Variants in PTGER4 observed in about 807,000 individuals in gnomAD.
The protein encoded by PTGER4 is prostaglandin E receptor 4.
Under a neutral mutation model 33.2 loss-of-function variants are expected in PTGER4, and 11 were observed. That is an observed-to-expected ratio of 0.33 (90% CI 0.21 to 0.55). The LOEUF (loss-of-function observed/expected upper bound fraction) is 0.55, where lower values mean the gene tolerates loss of function less well. Among genes scored for constraint, PTGER4 ranks in the 20% least tolerant of loss-of-function variants. PTGER4 has a pLI of 0.92. For synonymous variants in PTGER4, 275 were observed against 281.5 expected (o/e 0.98, Z 0.23); for missense variants, 481 against 650.2 (o/e 0.74, Z 2.83).
chr5:40,715,894 TTAAAC>T, the PTGER4 span: 5 of 380,288 alleles, frequency 1.3e-5, no homozygotes, highest in Middle Eastern at 7.0e-4. Context: ...CATATTCAGA[TTAAAC>T]TAAGTTTATT....
At chr5:40,729,030 T>C in the PTGER4 span, among the ~76,000 whole-genome samples, 1 of 152,280 alleles carries the variant, frequency 6.6e-6, no homozygotes, top group East Asian at 1.9e-4. Context: ...TACCCTCCAC[T>C]GTGGTCTGTG....
Position 40,681,791 on chromosome 5 carries a change from C to G in PTGER4, c.798C>G (p.Ala266=), listed in dbSNP as rs1164725948. The part of the protein sequence containing the change: ...RRRSFRRIAG[A]EIQMVILLIA... ...GGAGCTTCCGCCGCATCGCGGGCGCCGAGATCCAGATGGTCATCTTACTCA... is the reference window on the plus strand; with the variant it reads ...GGAGCTTCCGCCGCATCGCGGGCGCGGAGATCCAGATGGTCATCTTACTCA... The change falls in exon 2 of 3, where the codon GCC becomes GCG. Residue 266 remains alanine, a synonymous_variant. Transcript: ENST00000302472. This position sits in a 1 kb window ranked among gnomAD's most constrained non-coding sequence, Gnocchi z 9.8. 4 of 1,594,304 alleles carry G rather than the reference C, an allele frequency of 2.5e-6. No individual in the cohort carries two copies. Among genetic ancestry groups the G allele is most frequent in the Non-Finnish European group, 3.4e-6 (4 of 1,173,472 alleles).
Position 40,681,513 on chromosome 5 carries a change from T to G in PTGER4, c.520T>G (p.Trp174Gly). 6.2e-7 allele frequency: 1 copy of G among 1,613,292 alleles called. No individual in the cohort carries two copies. The highest frequency in any genetic ancestry group is 8.5e-7 in the Non-Finnish European group (1 of 1,180,042). ...QYPDTWCFID[W>G]TTNVTAHAAY... ...CCCAGACACCTGGTGCTTCATCGACTGGACCACCAACGTGACGGCGCACGC... is the reference window on the plus strand; with the variant it reads ...CCCAGACACCTGGTGCTTCATCGACGGGACCACCAACGTGACGGCGCACGC... The change falls in exon 2 of 3, where the codon TGG becomes GGG. Residue 174 changes from tryptophan (W) to glycine (G), a missense_variant. Transcript: ENST00000302472. This position sits in a 1 kb window ranked among gnomAD's most constrained non-coding sequence, Gnocchi z 9.8.
rs931578856 is a variant in PTGER4 at position 40,692,673 on chromosome 5, G to A, written c.*295G>A. 2 of 1,108,306 alleles carry A rather than the reference G, an allele frequency of 1.8e-6. No individual in the cohort carries two copies. The highest frequency in any genetic ancestry group is 3.3e-5 in the African/African-American group (2 of 61,392). 68.7% of individuals were successfully genotyped at this position (1,108,306 alleles called of 1,614,324 possible). ...CTAGATAGGAGGATGGTAGAAGTTT[G>A]GCTGCTGTCATAACATCCAGAGCTT... On this transcript the variant is annotated 3_prime_UTR_variant, in exon 3 of 3. Coordinates refer to ENST00000302472, the MANE Select transcript of PTGER4 (RefSeq NM_000958.3).
chr5:40,698,081 C>A (rs1741652426), downstream of PTGER4, among the ~76,000 whole-genome samples: 1 of 105,468 alleles, frequency 9.5e-6, no homozygotes, highest in Non-Finnish European at 1.8e-5. Flanking sequence ...CAGTGAGAGA[C>A]CCTGTCTCTA....
At chr5:40,737,737 G>A in the PTGER4 span, among the ~76,000 whole-genome samples, 2 of 151,918 alleles carry the variant, frequency 1.3e-5, no homozygotes, top group Non-Finnish European at 2.9e-5. Context: ...CCCCTTTCTC[G>A]GGAAATCTAC....
chr5:40,699,662 G>C, the PTGER4 span, among the ~76,000 whole-genome samples: 2 of 152,008 alleles, frequency 1.3e-5, no homozygotes, highest in Non-Finnish European at 2.9e-5. Flanking sequence ...TGAGTAAGTA[G>C]GGTTTATCCC....
At chr5:40,687,495 C>T (rs1741355515) in intron 2 of PTGER4, among the ~76,000 whole-genome samples, 1 of 152,202 alleles carries the variant, frequency 6.6e-6, no homozygotes, top group Admixed American at 6.5e-5. Flanking sequence ...GACATTGAAG[C>T]ACTACTCCGG....
the PTGER4 span, among the ~76,000 whole-genome samples, chr5:40,713,459 A>G: frequency 2.0e-5 from 3 of 152,196 alleles, no homozygotes; most frequent in Non-Finnish European, 2.9e-5. Context: ...AGATTGTCAT[A>G]CTGAAACCAC....
chr5:40,702,886 G>T, the PTGER4 span, among the ~76,000 whole-genome samples: 1 of 152,122 alleles, frequency 6.6e-6, no homozygotes, highest in Non-Finnish European at 1.5e-5. Flanking sequence ...AAATTACATG[G>T]AAATTAAACA....
At chr5:40,698,576 A>G (rs887244235), downstream of PTGER4, among the ~76,000 whole-genome samples, 6 of 152,224 alleles carry the variant, frequency 3.9e-5, no homozygotes, top group Non-Finnish European at 7.3e-5. Context: ...CAAAATTGAT[A>G]CAACCACTTT....
intron 2 of PTGER4, among the ~76,000 whole-genome samples, chr5:40,687,100 C>A (rs1431446305): frequency 6.6e-6 from 1 of 152,078 alleles, no homozygotes; most frequent in Admixed American, 6.5e-5. Context: ...GGCTGGAGTG[C>A]AATGGCGCAA....
Position 40,680,922 on chromosome 5 carries a change from C to T in PTGER4, c.-43-29C>T, listed in dbSNP as rs1052692324. Reference sequence around the variant, plus strand: ...TACAAGTGGTAATTTCCGCTCACGGCAGCTTTGTCTCTCTTCTACCATCCC... The same window carrying T: ...TACAAGTGGTAATTTCCGCTCACGGTAGCTTTGTCTCTCTTCTACCATCCC... On this transcript the variant is annotated intron_variant, in intron 1 of 2. Coordinates refer to ENST00000302472, the MANE Select transcript of PTGER4 (RefSeq NM_000958.3). This position sits in a 1 kb window ranked among gnomAD's most constrained non-coding sequence, Gnocchi z 5.5. 48 of 1,523,288 alleles carry T rather than the reference C, an allele frequency of 3.2e-5. No individual in the cohort carries two copies. The highest frequency in any genetic ancestry group is 4.0e-5 in the Non-Finnish European group (45 of 1,134,040). 94.4% of individuals were successfully genotyped at this position (1,523,288 alleles called of 1,614,324 possible). A position where few individuals can be genotyped will look rare whatever the true frequency, so the allele number is the denominator to read the frequency against.
chr5:40,707,104 C>T, the PTGER4 span, among the ~76,000 whole-genome samples: 1,594 of 152,146 alleles, frequency 0.01, 20 homozygotes, highest in African/African-American at 0.033. Context: ...ATCAAGGCTA[C>T]GAAGAAACAG....
At chr5:40,685,732 T>C (rs1037741358) in intron 2 of PTGER4, among the ~76,000 whole-genome samples, 2 of 152,200 alleles carry the variant, frequency 1.3e-5, no homozygotes, top group Admixed American at 1.3e-4. Flanking sequence ...ACACCTCAGT[T>C]TCCCAAGCTG....
At position 40,681,892 on chromosome 5, in the gene PTGER4, CT is replaced by C; in HGVS notation, c.867+37del. On this transcript the variant is annotated intron_variant, in intron 2 of 2. Coordinates refer to ENST00000302472, the MANE Select transcript of PTGER4 (RefSeq NM_000958.3). This position sits in a 1 kb window ranked among gnomAD's most constrained non-coding sequence, Gnocchi z 9.8. The stretch of plus-strand genomic sequence containing the variant: ...GACCGGGGCTGGGGCCCTACTCGGC[CT>C]TTTTCTCGCATCCACCTCCCGCGTC... 6.8e-7 allele frequency: 1 copy of C among 1,479,100 alleles called. No homozygotes were observed. Among genetic ancestry groups the C allele is most frequent in the Non-Finnish European group, 8.9e-7 (1 of 1,119,218 alleles). The allele number at this position is 1,479,100 out of a possible 1,614,324, so 91.6% of individuals were successfully genotyped here. A position where few individuals can be genotyped will look rare whatever the true frequency, so the allele number is the denominator to read the frequency against.
At chr5:40,704,381 C>A in the PTGER4 span, among the ~76,000 whole-genome samples, 1 of 152,146 alleles carries the variant, frequency 6.6e-6, no homozygotes, top group African/African-American at 2.4e-5. Context: ...CAACATTAGA[C>A]CAAATGGGCA....
Position 40,680,556 on chromosome 5 carries a change from A to C in PTGER4, c.-44+78A>C, listed in dbSNP as rs996367237. 1 of 158,646 alleles carries C rather than the reference A, an allele frequency of 6.3e-6. No individual in the cohort carries two copies. The highest frequency in any genetic ancestry group is 2.4e-5 in the African/African-American group (1 of 41,546). The allele number at this position is 158,646 out of a possible 1,614,324, so 9.8% of individuals were successfully genotyped here. ...GCGGCCCTCGCCGAAGAGAGCCAAG[A>C]AGGGAAGAGCGCGCTCTCCAAATTG... On this transcript the variant is annotated intron_variant, in intron 1 of 2. Coordinates refer to ENST00000302472, the MANE Select transcript of PTGER4 (RefSeq NM_000958.3). This position sits in a 1 kb window ranked among gnomAD's most constrained non-coding sequence, Gnocchi z 5.5.
chr5:40,696,730 C>G, downstream of PTGER4: 1 of 974,308 alleles, frequency 1.0e-6, no homozygotes, highest in Non-Finnish European at 1.2e-6. Context: ...CGTTTAACCA[C>G]AGCAACTCTA....
Sources: allele counts gnomAD v4.1 joint callset (sites outside exome capture counted in the v4.1 genomes callset), GRCh38; gene constraint gnomAD v4.1.1; non-coding constraint Gnocchi (gnomAD v3.1); transcripts MANE v1.5; gene names NCBI Gene and HGNC (gene_info 2026-07-23, HGNC 2026-07-21).